The following FUT8 variants were observed in gnomAD, a reference collection of about 807,000 sequenced individuals.
FUT8 encodes the protein alpha-(1,6)-fucosyltransferase.
In FUT8, 29 loss-of-function variants were observed where a neutral mutation model predicts 71.3. The ratio of observed to expected loss-of-function variants is 0.41; its 90% confidence interval spans 0.30 to 0.55. FUT8 has a LOEUF of 0.55. Among genes scored for constraint, FUT8 ranks in the 20% least tolerant of loss-of-function variants. The pLI, the probability that FUT8 is intolerant of heterozygous loss-of-function variation, is 0.34. For missense variants in FUT8, 544 were observed against 702.1 expected, an observed-to-expected ratio of 0.77 and a Z score of 2.55; for synonymous variants, 254 against 239.3, an observed-to-expected ratio of 1.06 and a Z score of -0.57.
the FUT8 span, among the ~76,000 whole-genome samples, chr14:65,372,450 C>G: frequency 2.0e-5 from 3 of 150,790 alleles, no homozygotes; most frequent in South Asian, 6.3e-4. Context: ...GAGTTTTGCT[C>G]TGTCACCCGA....
At chr14:65,505,073 A>T (rs541632496) in intron 2 of FUT8, among the ~76,000 whole-genome samples, 30 of 152,220 alleles carry the variant, frequency 2.0e-4, no homozygotes, top group Non-Finnish European at 3.8e-4. Context: ...GTTATATGAC[A>T]TTTTTTTGGG....
chr14:65,484,452 T>C (rs746247857), intron 2 of FUT8, among the ~76,000 whole-genome samples: 19 of 152,158 alleles, frequency 1.2e-4, no homozygotes, highest in Non-Finnish European at 2.1e-4. Context: ...AAATTAGGAA[T>C]GGATTTTGAA....
At chr14:65,451,431 G>T (rs979720821) in intron 1 of FUT8, among the ~76,000 whole-genome samples, 13 of 152,270 alleles carry the variant, frequency 8.5e-5, no homozygotes, top group African/African-American at 2.9e-4. Flanking sequence ...TGAAGCTCCA[G>T]AGGGTGTGTT....
chr14:65,438,998 G>A (rs898277229), intron 1 of FUT8, among the ~76,000 whole-genome samples: 1 of 152,198 alleles, frequency 6.6e-6, no homozygotes, highest in African/African-American at 2.4e-5. Flanking sequence ...AGAACGATGT[G>A]TCCATTAAGT....
At chr14:65,658,318 G>C (rs1484015463) in intron 6 of FUT8, among the ~76,000 whole-genome samples, 1 of 152,128 alleles carries the variant, frequency 6.6e-6, no homozygotes, top group Non-Finnish European at 1.5e-5. Context: ...GGAACAACCA[G>C]CTCTTTCATG....
intron 7 of FUT8, among the ~76,000 whole-genome samples, chr14:65,689,476 C>T (rs1893467883): frequency 6.6e-6 from 1 of 152,094 alleles, no homozygotes; most frequent in African/African-American, 2.4e-5. Context: ...GTTCTTTCAT[C>T]TGTGGGTTTT....
intron 2 of FUT8, among the ~76,000 whole-genome samples, chr14:65,524,462 G>A (rs917698254): frequency 6.6e-6 from 1 of 152,178 alleles, no homozygotes; most frequent in Admixed American, 6.5e-5. Context: ...ATCAGGTTAA[G>A]GAGATTTTGG....
At chr14:65,590,274 C>G (rs1887620510) in intron 3 of FUT8, among the ~76,000 whole-genome samples, 1 of 152,130 alleles carries the variant, frequency 6.6e-6, no homozygotes, top group African/African-American at 2.4e-5. Context: ...TTGATTGGTT[C>G]TCAGTCTTTG....
intron 3 of FUT8, among the ~76,000 whole-genome samples, chr14:65,571,910 T>C (rs1020798854): frequency 7.2e-5 from 11 of 152,124 alleles, no homozygotes; most frequent in Admixed American, 3.3e-4. Context: ...TTAAACTCAA[T>C]ATATGAAAAT....
chr14:65,470,267 G>A (rs1566767597), intron 2 of FUT8, among the ~76,000 whole-genome samples: 1 of 152,260 alleles, frequency 6.6e-6, no homozygotes. Flanking sequence ...AAAGGCAAGG[G>A]GGGCCTTCCT....
chr14:65,490,702 C>G (rs1407260602), intron 2 of FUT8, among the ~76,000 whole-genome samples: 1 of 152,052 alleles, frequency 6.6e-6, no homozygotes, highest in Non-Finnish European at 1.5e-5. Context: ...CTCCCTCCTC[C>G]CAGAGCTTTG....
At chr14:65,479,731 TG>T (rs1169138301) in intron 2 of FUT8, 2 of 152,100 alleles carry the variant, frequency 1.3e-5, no homozygotes, top group Admixed American at 6.6e-5. Flanking sequence ...AGCAATAAGT[TG>T]AATTATGGGG....
chr14:65,511,899 T>G (rs996362062), intron 2 of FUT8, among the ~76,000 whole-genome samples: 1 of 152,186 alleles, frequency 6.6e-6, no homozygotes. Flanking sequence ...ACACTCAGTG[T>G]TATTATTGAC....
Position 65,708,628 on chromosome 14 carries a change from T to A in FUT8, c.836-13147T>A, listed in dbSNP as rs536561382. 1.7e-3 allele frequency among the ~76,000 whole-genome samples: 258 copies of A among 152,350 alleles called. 1 individual carries two copies. Among genetic ancestry groups the A allele is most frequent in the South Asian group, 2.9e-3 (14 of 4,830 alleles). ...AATGGGATTGTTTCCTTAATTTCCT[T>A]TTGGAATAGTTTGTTGTTAGTGTAG... On this transcript the variant is annotated intron_variant, in intron 7 of 10. Coordinates refer to ENST00000673929, the MANE Select transcript of FUT8 (RefSeq NM_001371533.1).
chr14:65,742,586 C>T lies in FUT8; in HGVS notation c.*176C>T, dbSNP rs145959317. 297 of 603,638 alleles carry T rather than the reference C, an allele frequency of 4.9e-4. No homozygotes were observed. The African/African-American group carries it at 5.0e-3, about 10-fold the overall frequency. The allele number at this position is 603,638 out of a possible 1,614,324, so 37.4% of individuals were successfully genotyped here. A position where few individuals can be genotyped will look rare whatever the true frequency, so the allele number is the denominator to read the frequency against. On this transcript the variant is annotated 3_prime_UTR_variant, in exon 11 of 11. Coordinates refer to ENST00000673929, the MANE Select transcript of FUT8 (RefSeq NM_001371533.1). ...ACATAGGCTTCAATTGGTGGAATTC[C>T]TCTTTAACAAGGGCTGCAATGCCCT... is the stretch of plus-strand genomic sequence containing the variant.
At chr14:65,593,001 T>C (rs1887774868) in intron 3 of FUT8, among the ~76,000 whole-genome samples, 1 of 152,204 alleles carries the variant, frequency 6.6e-6, no homozygotes, top group South Asian at 2.1e-4. Flanking sequence ...TTGCATTTTC[T>C]TCACATCCTC....
At chr14:65,357,792 G>A in the FUT8 span, among the ~76,000 whole-genome samples, 3 of 152,208 alleles carry the variant, frequency 2.0e-5, no homozygotes, top group South Asian at 2.1e-4. Flanking sequence ...ACATAAAATA[G>A]TGTGTGTGAA....
chr14:65,601,346 G>T (rs557868027), intron 3 of FUT8, among the ~76,000 whole-genome samples: 99 of 152,112 alleles, frequency 6.5e-4, no homozygotes, highest in African/African-American at 2.3e-3. Flanking sequence ...TATTTGTTGT[G>T]CTTTTGCTGG....
rs187122316 is a variant in FUT8, at chr14:65,718,251, G to A, written c.836-3524G>A. 3.5e-3 allele frequency among the ~76,000 whole-genome samples: 528 copies of A among 151,930 alleles called. 2 individuals are homozygous for A. The highest frequency in any genetic ancestry group is 0.012 in the African/African-American group (501 of 41,432). On this transcript the variant is annotated intron_variant, in intron 7 of 10. Transcript: ENST00000673929. Reference sequence around the variant, plus strand: ...GTATTCATTGTATGTTTTTTGATTTGAGATTATCATGAGGCTTGCAAATAA... The same window carrying A: ...GTATTCATTGTATGTTTTTTGATTTAAGATTATCATGAGGCTTGCAAATAA...
Sources: gnomAD v4.1 joint callset for allele counts (sites outside exome capture counted in the v4.1 genomes callset) on GRCh38, gnomAD v4.1.1 for gene constraint, MANE v1.5 for transcripts, NCBI Gene and HGNC (gene_info 2026-07-23, HGNC 2026-07-21) for gene names.